IL4R: variants seen among roughly 807,000 people sequenced by gnomAD.
IL4R encodes the protein interleukin-4 receptor subunit alpha.
IL4R carries 17 observed loss-of-function variants against 41.5 expected under a neutral mutation model. The ratio of observed to expected loss-of-function variants is 0.41; its 90% CI spans 0.28 to 0.61. The LOEUF (loss-of-function observed/expected upper bound fraction) is 0.61, where lower values mean the gene tolerates loss of function less well. Ranked by LOEUF, IL4R falls within the 20% of genes least tolerant of loss-of-function variation. IL4R has a pLI of 0.31. For synonymous variants in IL4R, 402 were observed against 422.9 expected, an observed-to-expected ratio of 0.95 and a Z score of 0.61; for missense variants, 974 against 1,043.1, an observed-to-expected ratio of 0.93 and a Z score of 0.91.
At chr16:27,318,925 G>A (rs2084728195) in intron 1 of IL4R, among the ~76,000 whole-genome samples, 2 of 152,186 alleles carry the variant, frequency 1.3e-5, no homozygotes, top group Non-Finnish European at 2.9e-5. Context: ...GTGCCAGCCC[G>A]GGGCTAGGTG....
At chr16:27,354,941 A>G in intron 7 of IL4R, 2 of 439,604 alleles carry the variant, frequency 4.5e-6, no homozygotes, top group Non-Finnish European at 9.9e-6. Flanking sequence ...ATTGATTCTC[A>G]TCTGCCATTG....
At chr16:27,336,396 G>A (rs1483617497) in intron 2 of IL4R, among the ~76,000 whole-genome samples, 2 of 152,120 alleles carry the variant, frequency 1.3e-5, no homozygotes, top group Non-Finnish European at 2.9e-5. Flanking sequence ...GGGAGGAAGG[G>A]CCGGGTACAG....
intron 2 of IL4R, among the ~76,000 whole-genome samples, chr16:27,331,197 G>T (rs1309579677): frequency 6.6e-6 from 1 of 152,108 alleles, no homozygotes; most frequent in Non-Finnish European, 1.5e-5. Flanking sequence ...AGAATTAAGT[G>T]TATGCACCTT....
In IL4R at chr16:27,363,731, A is replaced by T; in HGVS notation, c.2379A>T (p.Ser793=). 2 of 1,613,470 alleles carry T rather than the reference A, an allele frequency of 1.2e-6. No homozygotes were observed. Among genetic ancestry groups the T allele is most frequent in the Non-Finnish European group, 1.7e-6 (2 of 1,179,968 alleles). The change falls in exon 11 of 11, where the codon TCA becomes TCT. Residue 793 remains serine (S), a synonymous_variant. Coordinates refer to ENST00000395762, the MANE Select transcript of IL4R (RefSeq NM_000418.4). The part of the protein sequence containing the change: ...SGISEKSKSS[S]SFHPAPGNAQ... ...TCTCAGAGAAGAGTAAATCCTCATC[A>T]TCCTTCCATCCTGCCCCTGGCAATG...
At chr16:27,330,533 T>C (rs1432881868) in intron 2 of IL4R, among the ~76,000 whole-genome samples, 1 of 152,160 alleles carries the variant, frequency 6.6e-6, no homozygotes, top group Non-Finnish European at 1.5e-5. Context: ...ACTGACCTTA[T>C]TGGGATTTCC....
intron 1 of IL4R, among the ~76,000 whole-genome samples, chr16:27,321,168 T>C (rs1338288293): frequency 3.3e-5 from 5 of 152,046 alleles, no homozygotes; most frequent in Non-Finnish European, 7.4e-5. Context: ...GGTCTCAAAC[T>C]CCTGACCTAG....
In IL4R at chr16:27,361,116, C is replaced by G. The variant is rs1567336479; in HGVS notation, c.899+301C>G. 2.8e-6 allele frequency: 3 copies of G among 1,065,454 alleles called. No individual in the cohort carries two copies. In the Admixed American group the frequency reaches 1.0e-4, roughly 36 times the overall value. 66.0% of individuals were successfully genotyped at this position (1,065,454 alleles called of 1,614,324 possible). On this transcript the variant is annotated intron_variant, in intron 10 of 10. Coordinates refer to ENST00000395762, the MANE Select transcript of IL4R (RefSeq NM_000418.4). Reference sequence around the variant, plus strand: ...CTTGACCTAATTGTATACTTGTCGGCAAATAGCCACTATCCTGAACACTCC... The same window carrying G: ...CTTGACCTAATTGTATACTTGTCGGGAAATAGCCACTATCCTGAACACTCC...
chr16:27,362,953 C>T lies in IL4R; in HGVS notation c.1601C>T (p.Pro534Leu), dbSNP rs577232756. ...GTAGAACCCGAGATGCCCTGTGTCCCCCAGCTCTCTGAGCCAACCACTGTG... is the reference window on the plus strand; with the variant it reads ...GTAGAACCCGAGATGCCCTGTGTCCTCCAGCTCTCTGAGCCAACCACTGTG... ...EEVEPEMPCV[P>L]QLSEPTTVPQ... The change falls in exon 11 of 11, where the codon CCC (proline) becomes CTC (leucine). Residue 534 changes from proline to leucine, a missense_variant. By Grantham distance (98) the Pro-to-Leu change is moderately conservative. Transcript: ENST00000395762. The T allele has an allele frequency of 1.9e-6, 3 of 1,614,168 alleles. No homozygotes were observed. The highest frequency in any genetic ancestry group is 2.7e-5 in the African/African-American group (2 of 75,068).
chr16:27,325,736 G>A (rs369297918), intron 1 of IL4R, among the ~76,000 whole-genome samples: 8 of 152,224 alleles, frequency 5.3e-5, no homozygotes, highest in African/African-American at 1.9e-4. Flanking sequence ...CTTATTGAGT[G>A]CCTGCTGTAT....
At position 27,363,023 on chromosome 16, in the gene IL4R, T is replaced by C. The variant is rs2086358600; in HGVS notation, c.1671T>C (p.Asn557=). The C allele has an allele frequency of 1.9e-6, 3 of 1,614,116 alleles. No homozygotes were observed. In the African/African-American group the frequency reaches 4.0e-5, roughly 22 times the overall value. ...PETWEQILRR[N]VLQHGAAAAP... The stretch of plus-strand genomic sequence containing the variant: ...CCTGGGAGCAGATCCTCCGCCGAAA[T>C]GTCCTCCAGCATGGGGCAGCTGCAG... Residue 557 remains asparagine (N), a synonymous_variant, in exon 11 of 11, where the codon AAT becomes AAC. Transcript: ENST00000395762.
chr16:27,339,158 A>G (rs1479055229), intron 2 of IL4R, among the ~76,000 whole-genome samples: 2 of 151,836 alleles, frequency 1.3e-5, no homozygotes, highest in East Asian at 3.9e-4. Flanking sequence ...TCTGGCCTGA[A>G]TAATAAAATT....
rs2086438715 is a variant in IL4R, at chr16:27,364,651, G to A, written c.*821G>A. On this transcript the variant is annotated 3_prime_UTR_variant, in exon 11 of 11. Transcript: ENST00000395762. The stretch of plus-strand genomic sequence containing the variant: ...GCCCAGACCTCAGGTGCTAGGGAAG[G>A]CGGGAACCTTGGGTTGAGTAATGCT... 1 of 152,242 alleles carries A rather than the reference G, an allele frequency of 6.6e-6. No homozygotes were observed. The highest frequency in any genetic ancestry group is 1.5e-5 in the Non-Finnish European group (1 of 68,052). The allele number at this position is 152,242 out of a possible 1,614,324, so 9.4% of individuals were successfully genotyped here.
rs1333220337 is a variant in IL4R, at chr16:27,362,821, T to A, written c.1469T>A (p.Val490Asp). ...CTGACTTGCACAGAGACGCCCCTCG[T>A]CATCGCAGGCAACCCTGCTTACCGC... is the stretch of plus-strand genomic sequence containing the variant. ...DNLTCTETPL[V>D]IAGNPAYRSF... Residue 490 changes from valine to aspartate, a missense_variant, in exon 11 of 11, where the codon GTC becomes GAC. Coordinates refer to ENST00000395762, the MANE Select transcript of IL4R (RefSeq NM_000418.4). 3 of 1,613,960 alleles carry A rather than the reference T, an allele frequency of 1.9e-6. No homozygotes were observed. Among genetic ancestry groups the A allele is most frequent in the Non-Finnish European group, 2.5e-6 (3 of 1,180,014 alleles).
intron 1 of IL4R, among the ~76,000 whole-genome samples, chr16:27,321,568 C>A (rs1403445504): frequency 6.6e-6 from 1 of 152,208 alleles, no homozygotes; most frequent in Non-Finnish European, 1.5e-5. Flanking sequence ...GCATATTGGG[C>A]TTGTCAGCTA....
chr16:27,317,406 G>A (rs1003945887), intron 1 of IL4R, among the ~76,000 whole-genome samples: 3 of 152,072 alleles, frequency 2.0e-5, no homozygotes, highest in African/African-American at 7.2e-5. Context: ...GACCAAGAAA[G>A]ACATTTCTGA....
intron 6 of IL4R, 29 bp downstream of exon 6, chr16:27,346,647 G>A (rs969245653): frequency 6.2e-7 from 1 of 1,612,326 alleles, no homozygotes; most frequent in Middle Eastern, 1.7e-4. Flanking sequence ...ACGTTTTTCT[G>A]TGACCTCTGG....
At position 27,344,892 on chromosome 16, in the gene IL4R, A is replaced by G. The variant is rs1329307587; in HGVS notation, c.233A>G (p.Asn78Ser). The change falls in exon 5 of 11, where the codon AAC becomes AGC. Residue 78 changes from asparagine to serine, a missense_variant. Asn to Ser is a conservative substitution (Grantham distance 46, BLOSUM62 1). Around this residue, in one of 3 missense-constraint regions of IL4R, gnomAD observed 284 missense variants for 313.4 expected, o/e 0.91. Transcript: ENST00000395762. ...AGAGCCCACACGTGTATCCCTGAGA[A>G]CAACGGAGGCGCGGGGTGCGTGTGC... ...LSEAHTCIPE[N>S]NGGAGCVCHL... The G allele has an allele frequency of 1.2e-6, 2 of 1,614,212 alleles. No homozygotes were observed. Among genetic ancestry groups the G allele is most frequent in the Admixed American group, 3.3e-5 (2 of 60,030 alleles).
Position 27,352,552 on chromosome 16 carries a change from A to G in IL4R, c.526A>G (p.Asn176Asp). 1 of 1,614,052 alleles carries G rather than the reference A, an allele frequency of 6.2e-7. No homozygotes were observed. The highest frequency in any genetic ancestry group is 8.5e-7 in the Non-Finnish European group (1 of 1,179,970). ...TTTTCTCTACCAGTTCAGAATCTATAACGTGACCTACCTAGAACCCTCCCT... is the reference window on the plus strand; with the variant it reads ...TTTTCTCTACCAGTTCAGAATCTATGACGTGACCTACCTAGAACCCTCCCT... ...ENDPADFRIY[N>D]VTYLEPSLRI... Residue 176 changes from asparagine to aspartate, a missense_variant, in exon 7 of 11, where the codon AAC (asparagine) becomes GAC (aspartate). Coordinates refer to ENST00000395762, the MANE Select transcript of IL4R (RefSeq NM_000418.4).
upstream of IL4R, chr16:27,313,883 C>T (rs1385830925): frequency 3.6e-5 from 35 of 980,652 alleles, no homozygotes; most frequent in Non-Finnish European, 4.1e-5. Context: ...GGCGCCGGGG[C>T]GGGGAGCAGG....
Sources: allele counts gnomAD v4.1 joint callset (sites outside exome capture counted in the v4.1 genomes callset), GRCh38; gene constraint gnomAD v4.1.1; regional missense constraint gnomAD v4.1.1; transcripts MANE v1.5; gene names NCBI Gene and HGNC (gene_info 2026-07-23, HGNC 2026-07-21).